The following AK1 variants were observed in gnomAD, a reference collection of about 807,000 sequenced individuals.
The protein encoded by AK1 is adenylate kinase 1.
A neutral mutation model predicts 23.9 loss-of-function variants in AK1; 13 were observed. That is an observed-to-expected ratio of 0.54 (90% CI 0.35 to 0.86). AK1 has a LOEUF of 0.86. Among genes scored for constraint, AK1 ranks in the 40% least tolerant of loss-of-function variants. AK1 has a pLI of 0.01. For missense variants in AK1, 214 were observed against 255.1 expected (o/e 0.84, Z 1.10); for synonymous variants, 97 against 102.8 (o/e 0.94, Z 0.34).
chr9:127,874,672 G>A, intron 1 of AK1, 23 bp from the exon 2 acceptor site: 2 of 1,611,558 alleles, frequency 1.2e-6, no homozygotes, highest in Non-Finnish European at 1.7e-6. Context: ...GGCACAGGTT[G>A]GGGAGGGATT....
intron 2 of AK1, chr9:127,873,704 GGA>G (rs1158949348): frequency 7.1e-5 from 70 of 985,318 alleles, no homozygotes; most frequent in Non-Finnish European, 8.3e-5. Context: ...CTGGGCAGAG[GGA>G]AACTGAGCTC....
chr9:127,873,054 C>G lies in AK1; in HGVS notation c.15G>C (p.Leu5=). Residue 5 remains leucine, a synonymous_variant, in exon 3 of 7, where the codon CTG becomes CTC. Coordinates refer to ENST00000644144, the MANE Select transcript of AK1 (RefSeq NM_000476.3). ...CCACAAAGATGATCTTGGTTTTCTT[C>G]AGCTTCTCTGCGGGAGAGAAAAGGG... The part of the protein sequence containing the change: MEEK[L]KKTKIIFVVG... The G allele has an allele frequency of 6.2e-7, 1 of 1,614,048 alleles. No individual in the cohort carries two copies. Among genetic ancestry groups the G allele is most frequent in the African/African-American group, 1.3e-5 (1 of 75,058 alleles).
At position 127,871,816 on chromosome 9, in the gene AK1, GC is replaced by G; in HGVS notation, c.324+6del. On this transcript the variant is annotated splice_donor_region_variant and intron_variant, in intron 5 of 6. Transcript: ENST00000644144. This position sits in a 1 kb window ranked among gnomAD's most constrained non-coding sequence, Gnocchi z 4.4. Reference sequence around the variant, plus strand: ...CACCAGGATCCCCACTTGGGTCAGTGCCTTACCCGTCGCTCAAACTCTTCTC... The same window carrying G: ...CACCAGGATCCCCACTTGGGTCAGTGCTTACCCGTCGCTCAAACTCTTCTC... 6.2e-7 allele frequency: 1 copy of G among 1,612,196 alleles called. No individual in the cohort carries two copies. Among genetic ancestry groups the G allele is most frequent in the South Asian group, 1.1e-5 (1 of 91,060 alleles).
chr9:127,874,190 G>GT lies in AK1; in HGVS notation c.7+420dup, dbSNP rs201189980. On this transcript the variant is annotated intron_variant, in intron 2 of 6. Coordinates refer to ENST00000644144, the MANE Select transcript of AK1 (RefSeq NM_000476.3). ...TCTGCCTGCCCGTGTCTCCCTCTAAGTCCCAGCCCATAGGAACTAGGAGGG... is the reference window on the plus strand; with the variant it reads ...TCTGCCTGCCCGTGTCTCCCTCTAAGTTCCCAGCCCATAGGAACTAGGAGGG... 1.5e-3 allele frequency: 1,434 copies of GT among 985,390 alleles called. 13 individuals carry two copies. The African/African-American group carries it at 0.018, about 12-fold the overall frequency. 61.0% of individuals were successfully genotyped at this position (985,390 alleles called of 1,614,324 possible). A position where few individuals can be genotyped will look rare whatever the true frequency, so the allele number is the denominator to read the frequency against.
intron 5 of AK1, among the ~76,000 whole-genome samples, chr9:127,870,017 T>A (rs1336731351): frequency 6.6e-6 from 1 of 151,956 alleles, no homozygotes; most frequent in Non-Finnish European, 1.5e-5. Flanking sequence ...CAGAAAAGCT[T>A]TGGGTGTGAG....
chr9:127,874,773 G>T, intron 1 of AK1, 124 bp from the exon 2 acceptor site: 1 of 965,022 alleles, frequency 1.0e-6, no homozygotes, highest in Non-Finnish European at 1.6e-6. Flanking sequence ...GGCAGAGGGG[G>T]CTGCTGGGGG....
In AK1 at chr9:127,867,004, TTTC is replaced by T. The variant is rs1829262655; in HGVS notation, c.*1001_*1003del. 2 of 141,914 alleles carry T rather than the reference TTTC, an allele frequency of 1.4e-5. No homozygotes were observed. Among genetic ancestry groups the T allele is most frequent in the East Asian group, 3.9e-4 (2 of 5,144 alleles). 8.8% of individuals were successfully genotyped at this position (141,914 alleles called of 1,614,324 possible). A position where few individuals can be genotyped will look rare whatever the true frequency, so the allele number is the denominator to read the frequency against. ...CCTGACCATGACTCCCCCAATTCAA[TTTC>T]TTTTTTTTTTTTTTTTTTTTTGAGA... is the stretch of plus-strand genomic sequence containing the variant. On this transcript the variant is annotated 3_prime_UTR_variant, in exon 7 of 7. Coordinates refer to ENST00000644144, the MANE Select transcript of AK1 (RefSeq NM_000476.3).
rs897253380 is a variant in AK1 at position 127,871,613 on chromosome 9, G to A, written c.324+210C>T. ...TGAGCTGGAATCTGAGCCCAGGTTT[G>A]GCAACTGCCCCTCCTGGCGCTTCCC... is the stretch of plus-strand genomic sequence containing the variant. On this transcript the variant is annotated intron_variant, in intron 5 of 6. Transcript: ENST00000644144. The surrounding 1 kb of genome is among the most constrained non-coding windows in gnomAD (Gnocchi z 4.4). Among the ~76,000 whole-genome samples the A allele has an allele frequency of 1.4e-4, 21 of 151,578 alleles. No individual in the cohort carries two copies. The highest frequency in any genetic ancestry group is 2.8e-4 in the Non-Finnish European group (19 of 68,028).
Position 127,868,153 on chromosome 9 carries a change from C to G in AK1, c.517-77G>C, listed in dbSNP as rs929124971. ...CCTCACCATGGCAGGCCCCAGAGAC[C>G]AGGCCTGCCTCCCCGAGCCCAACCT... On this transcript the variant is annotated intron_variant, in intron 6 of 6. Transcript: ENST00000644144. The surrounding 1 kb of genome is among the most constrained non-coding windows in gnomAD (Gnocchi z 4.1). 6.5e-7 allele frequency: 1 copy of G among 1,542,904 alleles called. No homozygotes were observed. The highest frequency in any genetic ancestry group is 1.4e-5 in the African/African-American group (1 of 73,266).
At chr9:127,879,485 TGGTGGTGCGC>T (rs1829601924), upstream of AK1, 1 of 150,992 alleles carries the variant, frequency 6.6e-6, no homozygotes, top group African/African-American at 2.4e-5. Flanking sequence ...TAGCTGGACA[TGGTGGTGCGC>T]CCCTGTAATC....
upstream of AK1, among the ~76,000 whole-genome samples, chr9:127,878,768 A>G (rs1829590323): frequency 6.6e-6 from 1 of 152,142 alleles, no homozygotes; most frequent in Non-Finnish European, 1.5e-5. Context: ...GATGTCAGAT[A>G]AGTCCTTACT....
chr9:127,870,812 TGGGAATGGG>T (rs1244395737), intron 5 of AK1, among the ~76,000 whole-genome samples: 1 of 16,430 alleles, frequency 6.1e-5, no homozygotes, highest in Non-Finnish European at 2.4e-4. Context: ...AGACGGGGCA[TGGGAATGGG>T]GCATGGGAAT....
rs559035910 is a variant in AK1, at chr9:127,867,880, C to G, written c.*128G>C. ...TTTAGTGCTCAGCTGTCCATGAAAA[C>G]AGGATAAGCGGCTTCCTCCGTCTGT... On this transcript the variant is annotated 3_prime_UTR_variant, in exon 7 of 7. Transcript: ENST00000644144. The G allele has an allele frequency of 1.9e-5, 17 of 880,990 alleles. No individual in the cohort carries two copies. The highest frequency in any genetic ancestry group is 8.5e-5 in the South Asian group (6 of 70,864). The allele number at this position is 880,990 out of a possible 1,614,324, so 54.6% of individuals were successfully genotyped here.
upstream of AK1, chr9:127,878,259 A>C (rs1045710920): frequency 6.6e-6 from 1 of 152,266 alleles, no homozygotes; most frequent in African/African-American, 2.4e-5. Context: ...CCACCCAGTA[A>C]GGTAGAAGAT....
intron 5 of AK1, among the ~76,000 whole-genome samples, chr9:127,870,183 C>T (rs933881274): frequency 2.0e-5 from 3 of 149,384 alleles, no homozygotes; most frequent in Non-Finnish European, 3.0e-5. Context: ...CCTACAACAG[C>T]CCTGGAAGGG....
Position 127,868,550 on chromosome 9 carries a change from GC to G in AK1, c.325-39del. 1.3e-6 allele frequency: 2 copies of G among 1,549,462 alleles called. No individual in the cohort carries two copies. The highest frequency in any genetic ancestry group is 1.7e-6 in the Non-Finnish European group (2 of 1,147,018). On this transcript the variant is annotated intron_variant, in intron 5 of 6. Transcript: ENST00000644144. This position sits in a 1 kb window ranked among gnomAD's most constrained non-coding sequence, Gnocchi z 4.1. ...ACCATGTCACAGGGACCCCATTCCT[GC>G]CCCCTAGGGCCATCTCCTCCCCATC...
chr9:127,874,165 T>C (rs1024881460), intron 2 of AK1: 9 of 985,402 alleles, frequency 9.1e-6, no homozygotes, highest in Non-Finnish European at 9.6e-6. Flanking sequence ...TTCTGGACTC[T>C]CTGCCTGCCC....
Position 127,867,689 on chromosome 9 carries a change from C to T in AK1, c.*319G>A, listed in dbSNP as rs1027243406. The T allele has an allele frequency of 3.7e-5, 14 of 379,414 alleles. No homozygotes were observed. The highest frequency in any genetic ancestry group is 1.2e-4 in the African/African-American group (6 of 48,040). The allele number at this position is 379,414 out of a possible 1,614,324, so 23.5% of individuals were successfully genotyped here. ...GCATGCCCTGTGCGAGGAAGGGCCC[C>T]GGGCCTCCCACCAGAGCTAGAGGAG... On this transcript the variant is annotated 3_prime_UTR_variant, in exon 7 of 7. Coordinates refer to ENST00000644144, the MANE Select transcript of AK1 (RefSeq NM_000476.3).
At chr9:127,872,597 C>A in intron 4 of AK1, 93 bp downstream of exon 4, 1 of 1,564,054 alleles carries the variant, frequency 6.4e-7, no homozygotes. Context: ...TTACGGTCAG[C>A]TTTGCCTGTG....
Sources: gnomAD v4.1 joint callset for allele counts (sites outside exome capture counted in the v4.1 genomes callset) on GRCh38, gnomAD v4.1.1 for gene constraint, Gnocchi (gnomAD v3.1) non-coding constraint, MANE v1.5 for transcripts, NCBI Gene and HGNC (gene_info 2026-07-23, HGNC 2026-07-21) for gene names.